The following DPH6 variants were observed in gnomAD, a reference collection of about 807,000 sequenced individuals.
The protein encoded by DPH6 is diphthine--ammonia ligase.
A neutral mutation model predicts 38.2 loss-of-function variants in DPH6; 33 were observed. The observed-to-expected ratio is 0.86, with a 90% CI of 0.65 to 1.15. The LOEUF is 1.15. Ranked by LOEUF, DPH6 falls within the 50% of genes most tolerant of loss-of-function variation. The pLI is 0.00. For missense variants in DPH6, 325 were observed against 320.0 expected, an observed-to-expected ratio of 1.02 and a Z score of -0.12; for synonymous variants, 108 against 103.0, an observed-to-expected ratio of 1.05 and a Z score of -0.30.
chr15:35,461,086 C>T (rs1022418320), intron 3 of DPH6, among the ~76,000 whole-genome samples: 1 of 151,890 alleles, frequency 6.6e-6, no homozygotes, highest in Non-Finnish European at 1.5e-5. Flanking sequence ...TTTATTTATT[C>T]ATTTATTTAT....
At chr15:35,390,482 T>A (rs1429401321) in intron 6 of DPH6, among the ~76,000 whole-genome samples, 1 of 152,222 alleles carries the variant, frequency 6.6e-6, no homozygotes, top group Non-Finnish European at 1.5e-5. Flanking sequence ...GGTACACCAA[T>A]TAGACGTAGA....
At chr15:35,292,257 TTAAC>T (rs956760961) in intron 3 of DPH6, among the ~76,000 whole-genome samples, 8 of 152,206 alleles carry the variant, frequency 5.3e-5, no homozygotes, top group Non-Finnish European at 1.2e-4. Flanking sequence ...GATAGTGTTA[TTAAC>T]TTATTGTTAC....
intron 3 of DPH6, among the ~76,000 whole-genome samples, chr15:35,252,188 A>C (rs894996534): frequency 1.3e-5 from 2 of 152,222 alleles, no homozygotes; most frequent in African/African-American, 2.4e-5. Context: ...TATGATAGAC[A>C]TGATTTAAGT....
intron 3 of DPH6, among the ~76,000 whole-genome samples, chr15:35,304,158 G>C (rs2052072504): frequency 6.6e-6 from 1 of 151,932 alleles, no homozygotes; most frequent in Admixed American, 6.5e-5. Context: ...GAATAATATA[G>C]GCTAGCCAAA....
chr15:35,315,740 C>T (rs1417852591), intron 3 of DPH6, among the ~76,000 whole-genome samples: 1 of 152,154 alleles, frequency 6.6e-6, no homozygotes, highest in African/African-American at 2.4e-5. Context: ...TCTGCACTCC[C>T]ATGTTTATTG....
the DPH6 span, among the ~76,000 whole-genome samples, chr15:35,165,696 T>C: frequency 6.6e-6 from 1 of 151,948 alleles, no homozygotes; most frequent in Admixed American, 6.6e-5. Flanking sequence ...AAACACTGCT[T>C]AAACCTTTAA....
At chr15:35,209,033 T>C in the DPH6 span, among the ~76,000 whole-genome samples, 1 of 152,190 alleles carries the variant, frequency 6.6e-6, no homozygotes, top group Non-Finnish European at 1.5e-5. Context: ...AGTCCTGAAA[T>C]TTCTTAATAG....
At chr15:35,320,914 G>T (rs572646586) in intron 3 of DPH6, among the ~76,000 whole-genome samples, 1 of 152,234 alleles carries the variant, frequency 6.6e-6, no homozygotes, top group Non-Finnish European at 1.5e-5. Context: ...TCTCTCTGAA[G>T]GGTCTCCCTA....
At chr15:35,200,087 A>T in the DPH6 span, among the ~76,000 whole-genome samples, 1 of 151,968 alleles carries the variant, frequency 6.6e-6, no homozygotes, top group Non-Finnish European at 1.5e-5. Flanking sequence ...TAAGAAATAA[A>T]CCTCCTCAAA....
intron 3 of DPH6, among the ~76,000 whole-genome samples, chr15:35,504,418 A>G (rs1231727487): frequency 1.3e-5 from 2 of 151,942 alleles, no homozygotes; most frequent in African/African-American, 4.8e-5. Flanking sequence ...TGTTTCTACA[A>G]CTGCCCATCC....
At position 35,337,287 on chromosome 15, in the gene DPH6, G is replaced by A. The variant is rs373718531; in HGVS notation, n.208-6210C>T. On this transcript the variant is annotated intron_variant and non_coding_transcript_variant, in intron 3 of 3. Transcript: ENST00000558973. The stretch of plus-strand genomic sequence containing the variant: ...AGTTTGTATTTCTGTGGGAATGGTG[G>A]TGATACCCCCTTTATCATTTTTTAT... Among the ~76,000 whole-genome samples, 30 of 152,180 alleles carry A rather than the reference G, an allele frequency of 2.0e-4. 4 individuals are homozygous for A. Among genetic ancestry groups the A allele is most frequent in the East Asian group, 7.7e-4 (4 of 5,176 alleles).
At chr15:35,321,754 T>A (rs1271577437) in intron 3 of DPH6, among the ~76,000 whole-genome samples, 1 of 152,226 alleles carries the variant, frequency 6.6e-6, no homozygotes, top group Non-Finnish European at 1.5e-5. Flanking sequence ...TGAATAGACA[T>A]GTTTCTTCCC....
intron 3 of DPH6, among the ~76,000 whole-genome samples, chr15:35,250,383 G>A (rs1170011290): frequency 6.6e-6 from 1 of 152,056 alleles, no homozygotes; most frequent in Non-Finnish European, 1.5e-5. Flanking sequence ...ACAACGTGTG[G>A]CACTGTATAA....
At chr15:35,538,935 T>A (rs944208296) in intron 2 of DPH6, among the ~76,000 whole-genome samples, 1 of 152,070 alleles carries the variant, frequency 6.6e-6, no homozygotes, top group Admixed American at 6.6e-5. Flanking sequence ...AAATTTCAGA[T>A]CATTTTGGTA....
chr15:35,543,274 A>T (rs1595458645), intron 1 of DPH6, among the ~76,000 whole-genome samples: 4 of 15,886 alleles, frequency 2.5e-4, no homozygotes, highest in African/African-American at 4.2e-4. Flanking sequence ...ATATATATAT[A>T]TATATATATA....
At chr15:35,418,886 G>A (rs1262579244) in intron 5 of DPH6, among the ~76,000 whole-genome samples, 2 of 152,058 alleles carry the variant, frequency 1.3e-5, no homozygotes, top group African/African-American at 4.8e-5. Flanking sequence ...GTCAAGTAAA[G>A]TGAATTGTGT....
intron 3 of DPH6, among the ~76,000 whole-genome samples, chr15:35,267,398 C>T (rs1347962386): frequency 2.0e-5 from 3 of 152,226 alleles, no homozygotes; most frequent in Admixed American, 6.5e-5. Flanking sequence ...GCTAGCTCTC[C>T]TCTGCTGCTG....
At chr15:35,310,787 C>T (rs1233936542) in intron 3 of DPH6, among the ~76,000 whole-genome samples, 2 of 151,892 alleles carry the variant, frequency 1.3e-5, no homozygotes, top group African/African-American at 2.4e-5. Flanking sequence ...TGGTGGCTCA[C>T]GCCTGTAATC....
the DPH6 span, among the ~76,000 whole-genome samples, chr15:35,161,024 A>T: frequency 1.3e-5 from 2 of 151,944 alleles, no homozygotes; most frequent in Admixed American, 1.3e-4. Context: ...TAGCATTAGG[A>T]GATATACCTA....
Sources: allele counts gnomAD v4.1 joint callset (sites outside exome capture counted in the v4.1 genomes callset), GRCh38; gene constraint gnomAD v4.1.1; transcripts MANE v1.5; gene names NCBI Gene and HGNC (gene_info 2026-07-23, HGNC 2026-07-21).